GRIK1: variants seen among roughly 807,000 people sequenced by gnomAD.
GRIK1 encodes the protein glutamate receptor ionotropic, kainate 1.
GRIK1 carries 69 observed loss-of-function variants against 105.7 expected under a neutral mutation model. The observed-to-expected ratio is 0.65, with a 90% confidence interval of 0.54 to 0.80. The LOEUF (loss-of-function observed/expected upper bound fraction) is 0.80, where lower values mean the gene tolerates loss of function less well. Among genes scored for constraint, GRIK1 ranks in the 30% least tolerant of loss-of-function variants. The probability of loss-of-function intolerance (pLI) is 0.00; values close to 1 mark genes in which losing one functional copy is unlikely to be tolerated. For missense variants in GRIK1, 1,109 were observed against 1,167.3 expected, an observed-to-expected ratio of 0.95 and a Z score of 0.73; for synonymous variants, 438 against 431.3, an observed-to-expected ratio of 1.02 and a Z score of -0.19.
chr21:29,775,548 C>T (rs1004226396), intron 1 of GRIK1, among the ~76,000 whole-genome samples: 1 of 152,086 alleles, frequency 6.6e-6, no homozygotes, highest in Non-Finnish European at 1.5e-5. Context: ...GGTGGTATTT[C>T]CCTGCCAGCC....
intron 1 of GRIK1, among the ~76,000 whole-genome samples, chr21:29,928,702 G>A (rs1012072514): frequency 6.6e-6 from 1 of 152,196 alleles, no homozygotes; most frequent in Non-Finnish European, 1.5e-5. Flanking sequence ...CTTGAAGGAT[G>A]AGCAGCAGCA....
chr21:29,697,808 G>A lies in GRIK1; in HGVS notation c.119-3745C>T, dbSNP rs113709948. 2.6e-5 allele frequency among the ~76,000 whole-genome samples: 4 copies of A among 152,044 alleles called. 1 individual carries two copies. The highest frequency in any genetic ancestry group is 9.6e-5 in the African/African-American group (4 of 41,490). ...CAGAATAAAGGGGCACACACGTTGG[G>A]GCCCTTGCATAATTTCCTCCTTCGG... On this transcript the variant is annotated intron_variant, in intron 1 of 17. Transcript: ENST00000327783.
chr21:29,651,840 T>C (rs563844165), intron 5 of GRIK1, among the ~76,000 whole-genome samples: 54 of 151,642 alleles, frequency 3.6e-4, no homozygotes, highest in Admixed American at 7.9e-4. Flanking sequence ...CATATACCCA[T>C]TGGATAAAGG....
At chr21:29,891,068 T>C (rs2069879177) in intron 1 of GRIK1, among the ~76,000 whole-genome samples, 1 of 152,198 alleles carries the variant, frequency 6.6e-6, no homozygotes, top group African/African-American at 2.4e-5. Context: ...CAAAACTTAA[T>C]TGAATGTTCA....
intron 7 of GRIK1, among the ~76,000 whole-genome samples, chr21:29,634,956 C>T (rs929027124): frequency 2.6e-5 from 4 of 152,102 alleles, no homozygotes; most frequent in Non-Finnish European, 5.9e-5. Context: ...TATCACTTTG[C>T]TTATATGTGG....
chr21:29,717,730 C>CT (rs758593611), intron 1 of GRIK1, among the ~76,000 whole-genome samples: 7 of 152,172 alleles, frequency 4.6e-5, no homozygotes, highest in Non-Finnish European at 1.0e-4. Flanking sequence ...AGACTTTGGA[C>CT]TTGGACTTTT....
chr21:29,926,346 C>T (rs959751400), intron 1 of GRIK1, among the ~76,000 whole-genome samples: 3 of 152,164 alleles, frequency 2.0e-5, no homozygotes, highest in Non-Finnish European at 4.4e-5. Flanking sequence ...GCTTTTTGTA[C>T]TCTAAAGCTT....
At chr21:29,674,833 A>AC (rs965184119) in intron 3 of GRIK1, among the ~76,000 whole-genome samples, 10 of 152,172 alleles carry the variant, frequency 6.6e-5, no homozygotes, top group Non-Finnish European at 1.3e-4. Context: ...GTGAAAATGG[A>AC]CTAACACATG....
At chr21:29,861,260 A>G (rs1184264043) in intron 1 of GRIK1, among the ~76,000 whole-genome samples, 1 of 152,118 alleles carries the variant, frequency 6.6e-6, no homozygotes, top group Non-Finnish European at 1.5e-5. Flanking sequence ...TGGGGAAATC[A>G]CTCAGTCTTT....
intron 4 of GRIK1, among the ~76,000 whole-genome samples, chr21:29,669,880 G>C (rs1412038091): frequency 1.3e-5 from 2 of 152,144 alleles, no homozygotes; most frequent in Admixed American, 1.3e-4. Flanking sequence ...TCTCTTAGCA[G>C]ACAAGTCTCT....
intron 1 of GRIK1, among the ~76,000 whole-genome samples, chr21:29,706,168 G>A (rs952872362): frequency 4.6e-5 from 7 of 152,130 alleles, no homozygotes; most frequent in Middle Eastern, 3.4e-3. Flanking sequence ...GCCACCATGC[G>A]TGGCCTCTTC....
intron 7 of GRIK1, among the ~76,000 whole-genome samples, chr21:29,638,100 A>G (rs1171544672): frequency 1.3e-5 from 2 of 152,170 alleles, no homozygotes; most frequent in African/African-American, 2.4e-5. Flanking sequence ...AATATACTTA[A>G]TGTTTCCTAG....
chr21:29,795,397 A>G (rs2066529789), intron 1 of GRIK1, among the ~76,000 whole-genome samples: 1 of 152,076 alleles, frequency 6.6e-6, no homozygotes, highest in Non-Finnish European at 1.5e-5. Context: ...CTTTTACACC[A>G]GTTCACACCA....
intron 7 of GRIK1, among the ~76,000 whole-genome samples, chr21:29,622,516 T>C (rs1175753171): frequency 2.6e-5 from 4 of 152,184 alleles, no homozygotes; most frequent in African/African-American, 7.2e-5. Context: ...GTGTTGGTTA[T>C]CCCTGGTCTA....
intron 6 of GRIK1, among the ~76,000 whole-genome samples, chr21:29,648,429 C>T (rs1448647430): frequency 6.6e-6 from 1 of 152,206 alleles, no homozygotes; most frequent in Non-Finnish European, 1.5e-5. Context: ...TAGGAACTCT[C>T]TGCACTTTTA....
At chr21:29,605,282 A>G (rs1276516062) in intron 7 of GRIK1, among the ~76,000 whole-genome samples, 1 of 152,056 alleles carries the variant, frequency 6.6e-6, no homozygotes, top group Non-Finnish European at 1.5e-5. Flanking sequence ...TATTCTCATC[A>G]TTCAACTCCC....
chr21:29,702,978 T>C (rs1193994519), intron 1 of GRIK1, among the ~76,000 whole-genome samples: 9 of 152,222 alleles, frequency 5.9e-5, no homozygotes, highest in Admixed American at 2.6e-4. Context: ...AGCATCTCAA[T>C]TGTCTTCAGA....
At chr21:29,767,293 G>A (rs1334621383) in intron 1 of GRIK1, among the ~76,000 whole-genome samples, 2 of 152,174 alleles carry the variant, frequency 1.3e-5, no homozygotes, top group Non-Finnish European at 2.9e-5. Flanking sequence ...GATGTGTATG[G>A]ATGTCGATTG....
chr21:29,728,527 G>A (rs2064527607), intron 1 of GRIK1, among the ~76,000 whole-genome samples: 1 of 152,170 alleles, frequency 6.6e-6, no homozygotes, highest in Non-Finnish European at 1.5e-5. Context: ...GGATGTGAGA[G>A]TTAGCACTGT....
Sources: gnomAD v4.1 joint callset for allele counts (sites outside exome capture counted in the v4.1 genomes callset) on GRCh38, gnomAD v4.1.1 for gene constraint, MANE v1.5 for transcripts, NCBI Gene and HGNC (gene_info 2026-07-23, HGNC 2026-07-21) for gene names.